Variants in PDGFD observed in about 807,000 individuals in gnomAD.
PDGFD encodes platelet derived growth factor D, also known as platelet-derived growth factor D.
In PDGFD, 30 loss-of-function variants were observed where a neutral mutation model predicts 44.7. The observed-to-expected ratio is 0.67, with a 90% CI of 0.50 to 0.91. PDGFD has a LOEUF of 0.91. Ranked by LOEUF, PDGFD falls within the 40% of genes least tolerant of loss-of-function variation. The pLI, the probability that PDGFD is intolerant of heterozygous loss-of-function variation, is 0.00. For synonymous variants in PDGFD, 173 were observed against 168.4 expected (o/e 1.03, Z -0.21); for missense variants, 445 against 457.8 (o/e 0.97, Z 0.25).
chr11:104,078,389 C>T (rs1860997942), intron 1 of PDGFD, among the ~76,000 whole-genome samples: 1 of 152,182 alleles, frequency 6.6e-6, no homozygotes, highest in South Asian at 2.1e-4. Context: ...CAGCCACTAG[C>T]TACCATCTTC....
intron 6 of PDGFD, among the ~76,000 whole-genome samples, chr11:103,925,625 T>A (rs1591078890): frequency 6.7e-6 from 1 of 148,446 alleles, no homozygotes; most frequent in East Asian, 2.0e-4. Context: ...ACGGAAGAGC[T>A]CTAACTCCTC....
chr11:103,974,020 C>T (rs1859143939), intron 3 of PDGFD, among the ~76,000 whole-genome samples: 1 of 152,048 alleles, frequency 6.6e-6, no homozygotes. Flanking sequence ...AGCTGAATTA[C>T]AATCCTGCAG....
intron 1 of PDGFD, among the ~76,000 whole-genome samples, chr11:104,053,362 A>C (rs968978931): frequency 1.3e-5 from 2 of 152,192 alleles, no homozygotes. Flanking sequence ...AACCCTTTGC[A>C]TGTGTGTATC....
intron 3 of PDGFD, among the ~76,000 whole-genome samples, chr11:103,972,472 A>G (rs1334687483): frequency 1.3e-5 from 2 of 152,134 alleles, no homozygotes; most frequent in African/African-American, 4.8e-5. Context: ...CATTCTATGG[A>G]GAAGGCAGCT....
At chr11:104,059,238 G>A (rs887309407) in intron 1 of PDGFD, among the ~76,000 whole-genome samples, 1 of 152,160 alleles carries the variant, frequency 6.6e-6, no homozygotes, top group African/African-American at 2.4e-5. Flanking sequence ...TTGTGTTTTT[G>A]AAGTTGTGTG....
At chr11:103,974,619 C>T (rs1016422702) in intron 3 of PDGFD, among the ~76,000 whole-genome samples, 1 of 152,050 alleles carries the variant, frequency 6.6e-6, no homozygotes, top group African/African-American at 2.4e-5. Context: ...CTAATGCTCT[C>T]CCTCCCCTTG....
At chr11:104,116,962 C>T (rs1171657408) in intron 1 of PDGFD, among the ~76,000 whole-genome samples, 2 of 152,012 alleles carry the variant, frequency 1.3e-5, no homozygotes, top group African/African-American at 2.4e-5. Context: ...TTCAATTAAA[C>T]CTCTTTTTCT....
intron 1 of PDGFD, among the ~76,000 whole-genome samples, chr11:104,128,544 T>C (rs1861872637): frequency 6.6e-6 from 1 of 152,166 alleles, no homozygotes; most frequent in African/African-American, 2.4e-5. Context: ...CATGATTGCG[T>C]GTGTATTTCT....
chr11:104,099,353 T>C (rs1861334747), intron 1 of PDGFD, among the ~76,000 whole-genome samples: 1 of 152,126 alleles, frequency 6.6e-6, no homozygotes, highest in Non-Finnish European at 1.5e-5. Flanking sequence ...ATATGAACAT[T>C]TTCCTGTTGG....
intron 1 of PDGFD, among the ~76,000 whole-genome samples, chr11:104,060,446 A>T (rs948873266): frequency 7.9e-5 from 12 of 152,156 alleles, no homozygotes; most frequent in Non-Finnish European, 1.5e-4. Context: ...TGGGTGGGAT[A>T]AGCATAGAGG....
chr11:103,960,284 A>T (rs1352935099), intron 3 of PDGFD, among the ~76,000 whole-genome samples: 1 of 152,216 alleles, frequency 6.6e-6, no homozygotes, highest in East Asian at 1.9e-4. Flanking sequence ...CTGGACTGGG[A>T]AAATTCAGAG....
chr11:103,951,440 T>C (rs1006138496), intron 3 of PDGFD, among the ~76,000 whole-genome samples: 3 of 152,204 alleles, frequency 2.0e-5, no homozygotes, highest in Non-Finnish European at 4.4e-5. Context: ...TCTCTTTTAA[T>C]GGTAAATCAA....
At chr11:104,126,091 G>A (rs975201467) in intron 1 of PDGFD, among the ~76,000 whole-genome samples, 2 of 152,114 alleles carry the variant, frequency 1.3e-5, no homozygotes. Context: ...CTTTCATGTG[G>A]AGAGAACTCC....
chr11:103,948,995 C>CT lies in PDGFD; in HGVS notation c.511-1272dup, dbSNP rs10606695. ...CGACTAGACATCATTATTTTAGTCA[C>CT]TTTTTTTTTTTTTTTTTTTTTTTTT... On this transcript the variant is annotated intron_variant, in intron 3 of 6. Transcript: ENST00000393158. Among the ~76,000 whole-genome samples, 282 of 76,952 alleles carry CT rather than the reference C, an allele frequency of 3.7e-3. 2 individuals are homozygous for CT. The highest frequency in any genetic ancestry group is 5.7e-3 in the Non-Finnish European group (250 of 43,568). 50.5% of individuals were successfully genotyped at this position (76,952 alleles called of 152,430 possible). A position where few individuals can be genotyped will look rare whatever the true frequency, so the allele number is the denominator to read the frequency against.
At chr11:103,947,578 T>C in intron 4 of PDGFD, 84 bp downstream of exon 4, 1 of 1,004,546 alleles carries the variant, frequency 1.0e-6, no homozygotes, top group Non-Finnish European at 1.6e-6. Flanking sequence ...CCACAGGTCC[T>C]TAATGCAGGT....
At chr11:103,956,211 T>A (rs1342994720) in intron 3 of PDGFD, among the ~76,000 whole-genome samples, 1 of 147,848 alleles carries the variant, frequency 6.8e-6, no homozygotes, top group Non-Finnish European at 1.5e-5. Flanking sequence ...ATCCCTCCCC[T>A]CTCCCCCCAC....
At position 104,014,761 on chromosome 11, in the gene PDGFD, T is replaced by C. The variant is rs909528937; in HGVS notation, c.125-14506A>G. Among the ~76,000 whole-genome samples the C allele has an allele frequency of 3.3e-5, 5 of 152,164 alleles. No homozygotes were observed. In the South Asian group the frequency reaches 8.3e-4, roughly 25 times the overall value. On this transcript the variant is annotated intron_variant, in intron 1 of 6. Transcript: ENST00000393158. ...TGGTGAGCTTTATGGAAAAAATGAC[T>C]AACAATATACTGGCATCTGTCTGGC...
At chr11:103,951,915 G>C (rs1261912456) in intron 3 of PDGFD, among the ~76,000 whole-genome samples, 2 of 152,146 alleles carry the variant, frequency 1.3e-5, no homozygotes, top group Non-Finnish European at 2.9e-5. Context: ...CTCCGGAATG[G>C]CAAAGATGCT....
At chr11:103,944,032 T>C (rs989338248) in intron 4 of PDGFD, among the ~76,000 whole-genome samples, 2 of 152,116 alleles carry the variant, frequency 1.3e-5, no homozygotes, top group Admixed American at 6.6e-5. Flanking sequence ...TCAAACTCCT[T>C]CCACATTAGT....
Sources: gnomAD v4.1 joint callset for allele counts (sites outside exome capture counted in the v4.1 genomes callset) on GRCh38, gnomAD v4.1.1 for gene constraint, MANE v1.5 for transcripts, NCBI Gene and HGNC (gene_info 2026-07-23, HGNC 2026-07-21) for gene names.